Variants in MUC12 observed in about 807,000 individuals in gnomAD.
MUC12 encodes mucin 12, cell surface associated, also known as mucin-12.
A neutral mutation model predicts 230.8 loss-of-function variants in MUC12; 172 were observed. The observed-to-expected ratio is 0.75, with a 90% CI of 0.66 to 0.85. The LOEUF (loss-of-function observed/expected upper bound fraction) is 0.85. MUC12 is among the 40% of genes least tolerant of loss of function. The pLI is 0.00. For synonymous variants in MUC12, 1,259 were observed against 2,401.9 expected (o/e 0.52, Z 13.91); for missense variants, 3,506 against 5,920.6 (o/e 0.59, Z 13.38).
chr7:100,984,055 G>A (rs1793149420), intron 1 of MUC12, among the ~76,000 whole-genome samples: 1 of 152,112 alleles, frequency 6.6e-6, no homozygotes. Flanking sequence ...CCCCATGAGG[G>A]GCGGGGGGTA....
chr7:101,007,982 T>G (rs1300898373), intron 3 of MUC12, among the ~76,000 whole-genome samples: 2 of 150,760 alleles, frequency 1.3e-5, no homozygotes, highest in Non-Finnish European at 3.0e-5. Context: ...TTTTTTGTAT[T>G]TTTAGTAGAG....
chr7:101,018,703 A>C lies in MUC12; in HGVS notation c.*67A>C. On this transcript the variant is annotated 3_prime_UTR_variant, in exon 12 of 12. Coordinates refer to ENST00000536621, the MANE Select transcript of MUC12 (RefSeq NM_001164462.2). ...GAGCTGCAAACACAGAGCCCACCAC[A>C]AGCCTCCGGGGCGGGTCAAGAGGAG... 6.8e-7 allele frequency: 1 copy of C among 1,466,264 alleles called. No individual in the cohort carries two copies. The highest frequency in any genetic ancestry group is 9.1e-7 in the Non-Finnish European group (1 of 1,096,456). 90.8% of individuals were successfully genotyped at this position (1,466,264 alleles called of 1,614,324 possible).
rs79024276 is a variant in MUC12, at chr7:101,003,466, A to G, written c.12903A>G (p.Thr4301=). The change falls in exon 2 of 12, where the codon ACA becomes ACG. Residue 4301 remains threonine (T), a synonymous_variant. Transcript: ENST00000536621. Reference sequence around the variant, plus strand: ...CCTCAGGCCTCCTTGAAGCATCTACACCCGTCCACAGCAGCACTGGATCGC... The same window carrying G: ...CCTCAGGCCTCCTTGAAGCATCTACGCCCGTCCACAGCAGCACTGGATCGC... ...TTASGLLEAS[T]PVHSSTGSPH... 501,423 of 953,384 alleles carry G rather than the reference A, an allele frequency of 0.53. 208,903 individuals carry two copies. The highest frequency in any genetic ancestry group is 0.81 in the East Asian group (30,191 of 37,058). 59.1% of individuals were successfully genotyped at this position (953,384 alleles called of 1,614,324 possible). A position where few individuals can be genotyped will look rare whatever the true frequency, so the allele number is the denominator to read the frequency against.
intron 5 of MUC12, among the ~76,000 whole-genome samples, chr7:101,009,640 C>T (rs1249408580): frequency 1.3e-5 from 2 of 152,024 alleles, no homozygotes; most frequent in Non-Finnish European, 2.9e-5. Context: ...CGAGACTAGC[C>T]TGGGCAACAT....
intron 10 of MUC12, 75 bp from the exon 11 acceptor site, chr7:101,017,500 C>T: frequency 2.1e-6 from 2 of 945,744 alleles, no homozygotes; most frequent in African/African-American, 3.3e-5. Flanking sequence ...TTCCTTTTGC[C>T]AGAGGAAATC....
rs1312001322 is a variant in MUC12, at chr7:101,008,721, C to T, written c.15146C>T (p.Ser5049Phe). The change falls in exon 4 of 12, where the codon TCC (serine) becomes TTC (phenylalanine). Residue 5049 changes from serine to phenylalanine, a missense_variant. Transcript: ENST00000536621. ...ACAGAAAAGATGAATGACGCATCCT[C>T]CCAGGAATACCAGAACTTCAGTACC... is the stretch of plus-strand genomic sequence containing the variant. ...NFTEKMNDAS[S>F]QEYQNFSTLF... is the part of the protein sequence containing the mutation. The T allele has an allele frequency of 1.3e-6, 2 of 1,537,228 alleles. No individual in the cohort carries two copies. Among genetic ancestry groups the T allele is most frequent in the East Asian group, 2.4e-5 (1 of 40,920 alleles).
chr7:100,989,912 C>G (rs1793252272), intron 1 of MUC12, among the ~76,000 whole-genome samples: 1 of 152,102 alleles, frequency 6.6e-6, no homozygotes, highest in East Asian at 1.9e-4. Context: ...AAACTGGTCT[C>G]AAACTCCTGA....
chr7:100,992,275 C>A lies in MUC12; in HGVS notation c.1712C>A (p.Ser571Ter). 1.3e-6 allele frequency: 2 copies of A among 1,536,938 alleles called. No homozygotes were observed. Among genetic ancestry groups the A allele is most frequent in the African/African-American group, 1.4e-5 (1 of 73,134 alleles). ...TTLSPGSTTA[S>*]SLGPEYTTFH... is the part of the protein sequence containing the mutation. ...TTGTCCCCTGGCAGTACCACAGCAT[C>A]ATCCCTTGGTCCAGAATATACTACC... The change falls in exon 2 of 12, where the codon TCA becomes TAA. Residue 571 changes from serine (S) to a stop codon, truncating the protein, a stop_gained. Coordinates refer to ENST00000536621, the MANE Select transcript of MUC12 (RefSeq NM_001164462.2). LOFTEE classifies it high-confidence loss of function.
intron 1 of MUC12, among the ~76,000 whole-genome samples, chr7:100,970,145 CTT>C (rs1792835522): frequency 6.6e-6 from 1 of 152,302 alleles, no homozygotes; most frequent in South Asian, 2.1e-4. Flanking sequence ...AGTATCATCT[CTT>C]GACTTGGAGT....
At position 100,990,296 on chromosome 7, in the gene MUC12, C is replaced by T. The variant is rs573203922; in HGVS notation, c.68-335C>T. On this transcript the variant is annotated intron_variant, in intron 1 of 11. Coordinates refer to ENST00000536621, the MANE Select transcript of MUC12 (RefSeq NM_001164462.2). ...ATGCAAGGGATTTAGGCTGCACCCC[C>T]TTATGAGAATCTAACGGTAAATGTA... 3.9e-5 allele frequency among the ~76,000 whole-genome samples: 6 copies of T among 152,346 alleles called. No individual in the cohort carries two copies. In the East Asian group the frequency reaches 1.2e-3, roughly 29 times the overall value.
intron 11 of MUC12, among the ~76,000 whole-genome samples, 200 bp from the exon 12 acceptor site, chr7:101,018,395 T>C (rs1584851052): frequency 1.9e-4 from 6 of 31,334 alleles, no homozygotes; most frequent in East Asian, 6.4e-4. Context: ...GACTCCCTCC[T>C]CACCCTGGGG....
intron 1 of MUC12, among the ~76,000 whole-genome samples, chr7:100,974,158 T>C (rs894717351): frequency 3.9e-5 from 6 of 152,174 alleles, no homozygotes; most frequent in African/African-American, 4.8e-5. Context: ...CAGAAAAAGC[T>C]TTTCTCTATT....
intron 1 of MUC12, among the ~76,000 whole-genome samples, chr7:100,983,982 G>A (rs1044276802): frequency 6.6e-6 from 1 of 152,136 alleles, no homozygotes; most frequent in African/African-American, 2.4e-5. Context: ...CTGCTGCATT[G>A]AGCCCTGCCC....
intron 1 of MUC12, among the ~76,000 whole-genome samples, chr7:100,973,428 C>T (rs1460296458): frequency 1.6e-4 from 1 of 6,364 alleles, no homozygotes; most frequent in Non-Finnish European, 3.0e-4. Context: ...TGCCATTGCC[C>T]CAGCCCCTAC....
intron 1 of MUC12, among the ~76,000 whole-genome samples, chr7:100,982,576 A>G (rs1793125251): frequency 6.6e-6 from 1 of 151,328 alleles, no homozygotes; most frequent in African/African-American, 2.4e-5. Context: ...AGCTGAGACT[A>G]CAGGGACACA....
At chr7:101,013,286 A>G (rs1028935566) in intron 8 of MUC12, 144 bp downstream of exon 8, 6 of 862,906 alleles carry the variant, frequency 7.0e-6, no homozygotes, top group Admixed American at 5.1e-5. Flanking sequence ...CTCCCCTGTA[A>G]TCTCATTCCC....
In MUC12 at chr7:101,005,067, C is replaced by T. The variant is rs1377773991; in HGVS notation, c.14504C>T (p.Thr4835Ile). 2.0e-6 allele frequency: 3 copies of T among 1,537,942 alleles called. No individual in the cohort carries two copies. The highest frequency in any genetic ancestry group is 2.6e-6 in the Non-Finnish European group (3 of 1,147,064). The change falls in exon 2 of 12, where the codon ACA (threonine) becomes ATA (isoleucine). Residue 4835 changes from threonine (T) to isoleucine (I), a missense_variant. Coordinates refer to ENST00000536621, the MANE Select transcript of MUC12 (RefSeq NM_001164462.2). ...AGCCAACCAGGCTCAGCTCTGTCAA[C>T]AGTGTCACCTGCCAGCACCACAGTG... ...PHSQPGSALS[T>I]VSPASTTVPG...
chr7:100,975,654 G>C (rs745387558), intron 1 of MUC12, among the ~76,000 whole-genome samples: 2 of 105,280 alleles, frequency 1.9e-5, no homozygotes, highest in Non-Finnish European at 3.9e-5. Flanking sequence ...CTGGAGCTAC[G>C]AGAGGGGGCC....
chr7:101,003,463 T>C lies in MUC12; in HGVS notation c.12900T>C (p.Ser4300=), dbSNP rs1207500497. 1.0e-6 allele frequency: 1 copy of C among 1,002,362 alleles called. No individual in the cohort carries two copies. Among genetic ancestry groups the C allele is most frequent in the South Asian group, 1.5e-5 (1 of 66,878 alleles). 62.1% of individuals were successfully genotyped at this position (1,002,362 alleles called of 1,614,324 possible). A position where few individuals can be genotyped will look rare whatever the true frequency, so the allele number is the denominator to read the frequency against. ...NTTASGLLEA[S]TPVHSSTGSP... is the part of the protein sequence containing the mutation. The stretch of plus-strand genomic sequence containing the variant: ...CAGCCTCAGGCCTCCTTGAAGCATC[T>C]ACACCCGTCCACAGCAGCACTGGAT... Residue 4300 remains serine (S), a synonymous_variant, in exon 2 of 12, where the codon TCT becomes TCC. Coordinates refer to ENST00000536621, the MANE Select transcript of MUC12 (RefSeq NM_001164462.2).
Sources: gnomAD v4.1 joint callset for allele counts (sites outside exome capture counted in the v4.1 genomes callset) on GRCh38, gnomAD v4.1.1 for gene constraint, MANE v1.5 for transcripts, NCBI Gene and HGNC (gene_info 2026-07-23, HGNC 2026-07-21) for gene names.